FSD1L: variants seen among roughly 807,000 people sequenced by gnomAD.
FSD1L encodes the protein FSD1-like protein.
A neutral mutation model predicts 71.6 loss-of-function variants in FSD1L; 45 were observed. The observed-to-expected ratio is 0.63, with a 90% CI of 0.49 to 0.81. The LOEUF (loss-of-function observed/expected upper bound fraction) is 0.81. Ranked by LOEUF, FSD1L falls within the 30% of genes least tolerant of loss-of-function variation. The pLI is 0.00. For synonymous variants in FSD1L, 197 were observed against 207.2 expected (o/e 0.95, Z 0.42); for missense variants, 561 against 618.1 (o/e 0.91, Z 0.98).
chr9:105,444,024 G>A (rs60936427), upstream of FSD1L, among the ~76,000 whole-genome samples: 141 of 152,182 alleles, frequency 9.3e-4, 2 homozygotes, highest in African/African-American at 3.3e-3. Context: ...AGGGAGCAAC[G>A]GGCAAAGATT....
chr9:105,508,480 A>C (rs1036288464), intron 8 of FSD1L, 137 bp from the exon 9 acceptor site: 4 of 583,836 alleles, frequency 6.9e-6, no homozygotes. Context: ...CCTGGCCCAC[A>C]TACCACTCTT....
At chr9:105,470,832 T>G (rs1831406979) in intron 4 of FSD1L, among the ~76,000 whole-genome samples, 2 of 152,182 alleles carry the variant, frequency 1.3e-5, no homozygotes, top group African/African-American at 2.4e-5. Flanking sequence ...CAATAAATAC[T>G]AATAAGAAAT....
chr9:105,503,757 TCTTA>T (rs748970557), intron 7 of FSD1L, among the ~76,000 whole-genome samples: 3 of 152,256 alleles, frequency 2.0e-5, no homozygotes, highest in Non-Finnish European at 2.9e-5. Flanking sequence ...TGAATTGTTT[TCTTA>T]CTTCTATATA....
At chr9:105,452,661 G>GCCTTCCTTCCTTCCTTCCTT in intron 1 of FSD1L, among the ~76,000 whole-genome samples, 1 of 95,298 alleles carries the variant, frequency 1.0e-5, no homozygotes, top group East Asian at 2.7e-4. Flanking sequence ...CTGCCTGCCT[G>GCCTTCCTTCCTTCCTTCCTT]CCTGCCTGCC....
At chr9:105,534,441 A>G in intron 10 of FSD1L, 52 bp from the exon 11 acceptor site, 1 of 944,946 alleles carries the variant, frequency 1.1e-6, no homozygotes, top group South Asian at 1.6e-5. Flanking sequence ...TAGTTTATGA[A>G]ACATTTACAG....
chr9:105,520,038 G>T, intron 10 of FSD1L: 2 of 1,494,142 alleles, frequency 1.3e-6, no homozygotes, highest in South Asian at 1.3e-5. Context: ...AGCCTCTCTG[G>T]CTAGTCTCCT....
chr9:105,542,448 A>AT (rs1435961518), intron 13 of FSD1L, among the ~76,000 whole-genome samples: 4 of 151,846 alleles, frequency 2.6e-5, no homozygotes, highest in East Asian at 1.9e-4. Flanking sequence ...TTGTTTTCTT[A>AT]TTTTTTTATT....
chr9:105,542,090 A>G (rs1478704250), intron 13 of FSD1L, among the ~76,000 whole-genome samples: 1 of 152,218 alleles, frequency 6.6e-6, no homozygotes, highest in African/African-American at 2.4e-5. Context: ...GCATTTACAT[A>G]TGGGATTTTC....
At chr9:105,450,319 T>C (rs539658415) in intron 1 of FSD1L, among the ~76,000 whole-genome samples, 24 of 152,198 alleles carry the variant, frequency 1.6e-4, no homozygotes, top group African/African-American at 5.3e-4. Flanking sequence ...TACTGCAAAG[T>C]GTGAGGAAGG....
At chr9:105,450,028 G>A (rs1450217024) in intron 1 of FSD1L, among the ~76,000 whole-genome samples, 1 of 152,088 alleles carries the variant, frequency 6.6e-6, no homozygotes, top group Non-Finnish European at 1.5e-5. Flanking sequence ...TCTTTCTAAT[G>A]AAAAAACAAA....
intron 10 of FSD1L, chr9:105,525,757 G>T: frequency 6.2e-7 from 1 of 1,604,428 alleles, no homozygotes; most frequent in Non-Finnish European, 8.5e-7. Flanking sequence ...AGCATATGAA[G>T]ATTTTGTAGC....
chr9:105,535,790 C>T (rs977797871), intron 12 of FSD1L, among the ~76,000 whole-genome samples: 6 of 151,752 alleles, frequency 4.0e-5, no homozygotes, highest in Non-Finnish European at 7.4e-5. Context: ...TATGTACCTA[C>T]AAAAATTAAA....
chr9:105,522,604 G>C (rs1038088135), intron 10 of FSD1L: 2 of 1,613,042 alleles, frequency 1.2e-6, no homozygotes, highest in Admixed American at 1.7e-5. Flanking sequence ...GAAGTTTTTG[G>C]TGCTTTGAAT....
At chr9:105,500,652 A>T (rs1833707030) in intron 7 of FSD1L, 1 of 152,162 alleles carries the variant, frequency 6.6e-6, no homozygotes, top group South Asian at 2.1e-4. Context: ...TTAGTTATTC[A>T]TGGTGAGAAC....
intron 5 of FSD1L, among the ~76,000 whole-genome samples, chr9:105,473,926 T>G (rs149523596): frequency 4.6e-5 from 7 of 152,340 alleles, no homozygotes; most frequent in African/African-American, 1.2e-4. Context: ...TAAGTCACAT[T>G]GTGGTTTAAT....
intron 10 of FSD1L, among the ~76,000 whole-genome samples, chr9:105,532,182 AT>A (rs938631965): frequency 2.6e-5 from 4 of 152,092 alleles, no homozygotes; most frequent in African/African-American, 7.2e-5. Flanking sequence ...TGCATGTACT[AT>A]TTTTTTAAAC....
chr9:105,537,757 G>T (rs1302361947), intron 12 of FSD1L, among the ~76,000 whole-genome samples: 1 of 152,090 alleles, frequency 6.6e-6, no homozygotes, highest in Non-Finnish European at 1.5e-5. Context: ...GACTTTTCGG[G>T]AAGCAGTCTT....
intron 4 of FSD1L, 133 bp from the exon 5 acceptor site, chr9:105,471,771 T>C (rs1444159229): frequency 6.2e-6 from 2 of 322,938 alleles, no homozygotes; most frequent in Non-Finnish European, 1.1e-5. Flanking sequence ...CTACAATAGC[T>C]CACTGAAATG....
intron 2 of FSD1L, among the ~76,000 whole-genome samples, chr9:105,463,566 C>T (rs1322254080): frequency 6.6e-6 from 1 of 152,090 alleles, no homozygotes; most frequent in Non-Finnish European, 1.5e-5. Flanking sequence ...CTAGTGGCTA[C>T]CATATTGGGC....
Sources: allele counts gnomAD v4.1 joint callset (sites outside exome capture counted in the v4.1 genomes callset), GRCh38; gene constraint gnomAD v4.1.1; transcripts MANE v1.5; gene names NCBI Gene and HGNC (gene_info 2026-07-23, HGNC 2026-07-21).